GLIS1: variants seen among roughly 807,000 people sequenced by gnomAD.
GLIS1 encodes the protein zinc finger protein GLIS1.
GLIS1 carries 24 observed loss-of-function variants against 63.8 expected under a neutral mutation model. The observed-to-expected ratio is 0.38, with a 90% CI of 0.27 to 0.53. GLIS1 has a LOEUF of 0.53. Ranked by LOEUF, GLIS1 falls within the 20% of genes least tolerant of loss-of-function variation. GLIS1 has a pLI of 0.85. For synonymous variants in GLIS1, 450 were observed against 482.5 expected (o/e 0.93, Z 0.88); for missense variants, 1,036 against 1,074.1 (o/e 0.96, Z 0.50).
chr1:53,624,797 T>A (rs552960192), intron 2 of GLIS1, among the ~76,000 whole-genome samples: 1 of 152,186 alleles, frequency 6.6e-6, no homozygotes, highest in African/African-American at 2.4e-5. Flanking sequence ...TATATACATA[T>A]ATATCTCCAA....
At chr1:53,734,012 T>G in intron 2 of GLIS1, 1 of 985,010 alleles carries the variant, frequency 1.0e-6, no homozygotes, top group East Asian at 1.1e-4. Flanking sequence ...ACATCATGAC[T>G]TACTGTCCAC....
At chr1:53,688,107 G>A (rs987286477) in intron 2 of GLIS1, among the ~76,000 whole-genome samples, 3 of 152,310 alleles carry the variant, frequency 2.0e-5, no homozygotes, top group South Asian at 2.1e-4. Context: ...TTTCCTGCTC[G>A]GCAGGCTCTG....
intron 2 of GLIS1, among the ~76,000 whole-genome samples, chr1:53,648,862 G>A (rs926496636): frequency 8.5e-5 from 13 of 152,318 alleles, no homozygotes; most frequent in African/African-American, 3.1e-4. Flanking sequence ...AAGGCCATGA[G>A]TGGGGCTCTT....
chr1:53,621,479 G>T (rs1645541857), intron 2 of GLIS1, among the ~76,000 whole-genome samples: 1 of 152,260 alleles, frequency 6.6e-6, no homozygotes, highest in Non-Finnish European at 1.5e-5. Flanking sequence ...TTCTCCAAGT[G>T]CCAGTTGGCT....
chr1:53,692,907 C>T (rs1405574163), intron 2 of GLIS1, among the ~76,000 whole-genome samples: 1 of 152,232 alleles, frequency 6.6e-6, no homozygotes, highest in East Asian at 1.9e-4. Context: ...TCTTCACTGG[C>T]TGGACTGGCC....
intron 4 of GLIS1, among the ~76,000 whole-genome samples, chr1:53,544,763 A>C (rs1350019096): frequency 6.6e-6 from 1 of 152,186 alleles, no homozygotes; most frequent in African/African-American, 2.4e-5. Context: ...CCCTCAAGTC[A>C]GGCTCAGCTC....
intron 2 of GLIS1, among the ~76,000 whole-genome samples, chr1:53,679,298 CA>C (rs1646249794): frequency 6.6e-6 from 1 of 152,190 alleles, no homozygotes; most frequent in South Asian, 2.1e-4. Context: ...AAATAAACCC[CA>C]AAACAGCCTT....
intron 4 of GLIS1, among the ~76,000 whole-genome samples, chr1:53,580,529 C>A (rs1023513493): frequency 2.0e-5 from 3 of 152,164 alleles, no homozygotes; most frequent in African/African-American, 7.2e-5. Context: ...GAGGCCTGGT[C>A]AGGGGTCCTC....
chr1:53,632,153 G>A (rs763684162), intron 2 of GLIS1, among the ~76,000 whole-genome samples: 12 of 148,406 alleles, frequency 8.1e-5, no homozygotes, highest in South Asian at 4.4e-4. Flanking sequence ...GTGTGACTGT[G>A]AGGGGCATGT....
At chr1:53,709,375 T>TACATATATATACATATACATATATATAC in intron 2 of GLIS1, among the ~76,000 whole-genome samples, 1 of 66,398 alleles carries the variant, frequency 1.5e-5, no homozygotes, top group Admixed American at 1.8e-4. Context: ...CATATATATA[T>TACATATATATACATATACATATATATAC]ACATATATAC....
chr1:53,712,484 T>C (rs1646656416), intron 2 of GLIS1, among the ~76,000 whole-genome samples: 1 of 152,168 alleles, frequency 6.6e-6, no homozygotes, highest in South Asian at 2.1e-4. Context: ...CTGCAGGTGA[T>C]TCATAAAGGC....
chr1:53,714,514 C>T (rs1646677955), intron 2 of GLIS1, among the ~76,000 whole-genome samples: 1 of 152,162 alleles, frequency 6.6e-6, no homozygotes, highest in Non-Finnish European at 1.5e-5. Context: ...CAAAAATAGC[C>T]CGCCTGGTCC....
intron 4 of GLIS1, among the ~76,000 whole-genome samples, chr1:53,567,632 G>A (rs949487353): frequency 1.3e-5 from 2 of 152,208 alleles, no homozygotes; most frequent in African/African-American, 4.8e-5. Flanking sequence ...AGGAAAAAAT[G>A]GTTTCGTGGG....
At chr1:53,640,561 G>C (rs941195984) in intron 2 of GLIS1, among the ~76,000 whole-genome samples, 1 of 152,152 alleles carries the variant, frequency 6.6e-6, no homozygotes, top group Non-Finnish European at 1.5e-5. Context: ...TGGCTGTTTA[G>C]AGTCTGACAG....
At chr1:53,632,703 GTGAA>G (rs1645672174) in intron 2 of GLIS1, among the ~76,000 whole-genome samples, 1 of 151,142 alleles carries the variant, frequency 6.6e-6, no homozygotes, top group African/African-American at 2.4e-5. Context: ...ACTGAGGGGT[GTGAA>G]TGAGTGTGAC....
Position 53,541,605 on chromosome 1 carries a change from C to G in GLIS1, c.1321-11653G>C, listed in dbSNP as rs1054605823. 2.6e-5 allele frequency among the ~76,000 whole-genome samples: 4 copies of G among 152,252 alleles called. No homozygotes were observed. The East Asian group carries it at 7.7e-4, about 29-fold the overall frequency. Reference sequence around the variant, plus strand: ...AGGACATCAGCCCTGCACACGCACTCAAGTTAGGGAAGGGAGGTGAATTGC... The same window carrying G: ...AGGACATCAGCCCTGCACACGCACTGAAGTTAGGGAAGGGAGGTGAATTGC... On this transcript the variant is annotated intron_variant, in intron 4 of 10. Coordinates refer to ENST00000628545, the MANE Select transcript of GLIS1 (RefSeq NM_001367484.1).
chr1:53,650,073 C>T (rs1243968544), intron 2 of GLIS1, among the ~76,000 whole-genome samples: 1 of 152,168 alleles, frequency 6.6e-6, no homozygotes, highest in Non-Finnish European at 1.5e-5. Flanking sequence ...TCCAGATGGG[C>T]AGCAGGGAGA....
chr1:53,575,058 C>A (rs1471833312), intron 4 of GLIS1, among the ~76,000 whole-genome samples: 1 of 152,176 alleles, frequency 6.6e-6, no homozygotes, highest in Non-Finnish European at 1.5e-5. Flanking sequence ...TACTTTCCAG[C>A]AGCCTATATA....
At chr1:53,566,737 TTCTC>T (rs755616416) in intron 4 of GLIS1, among the ~76,000 whole-genome samples, 2 of 152,194 alleles carry the variant, frequency 1.3e-5, no homozygotes, top group Non-Finnish European at 2.9e-5. Context: ...CACCTCCACC[TTCTC>T]TCTCTCTTTC....
Sources: allele counts gnomAD v4.1 joint callset (sites outside exome capture counted in the v4.1 genomes callset), GRCh38; gene constraint gnomAD v4.1.1; transcripts MANE v1.5; gene names NCBI Gene and HGNC (gene_info 2026-07-23, HGNC 2026-07-21).